Variants in ZNF285 observed in about 807,000 individuals in gnomAD.
ZNF285 encodes zinc finger protein 285.
ZNF285 carries 4 observed loss-of-function variants against 6.2 expected under a neutral mutation model. That is an observed-to-expected ratio of 0.65 (90% confidence interval 0.32 to 1.49). ZNF285 has a LOEUF of 1.49. Among genes scored for constraint, ZNF285 ranks in the 40% most tolerant of loss-of-function variants. The pLI, the probability that ZNF285 is intolerant of heterozygous loss-of-function variation, is 0.07. For missense variants in ZNF285, 695 were observed against 708.8 expected, an observed-to-expected ratio of 0.98 and a Z score of 0.22; for synonymous variants, 240 against 245.8, an observed-to-expected ratio of 0.98 and a Z score of 0.22.
In ZNF285 at chr19:44,397,148, G is replaced by C. The variant is rs769180485; in HGVS notation, c.15+51C>G. 5 of 1,612,820 alleles carry C rather than the reference G, an allele frequency of 3.1e-6. No individual in the cohort carries two copies. The South Asian group carries it at 5.5e-5, about 18-fold the overall frequency. ...CTCCTTTCAGAAAACAGAAGTGTCT[G>C]GTTCCTCAGAATGAACAGCATATTT... On this transcript the variant is annotated intron_variant, in intron 2 of 3. Coordinates refer to ENST00000614994, the MANE Select transcript of ZNF285 (RefSeq NM_152354.6).
intron 1 of ZNF285, among the ~76,000 whole-genome samples, chr19:44,397,723 A>G (rs965478528): frequency 6.0e-4 from 92 of 152,114 alleles, no homozygotes; most frequent in African/African-American, 2.2e-3. Flanking sequence ...TGTCTCTACT[A>G]AAAATACAAA....
chr19:44,400,057 T>A (rs903908887), intron 1 of ZNF285, among the ~76,000 whole-genome samples: 2 of 150,582 alleles, frequency 1.3e-5, no homozygotes, highest in African/African-American at 5.0e-5. Context: ...AGACTTCCCA[T>A]TGGCCAAAGA....
chr19:44,400,398 T>C (rs1971355355), intron 1 of ZNF285, among the ~76,000 whole-genome samples: 1 of 151,980 alleles, frequency 6.6e-6, no homozygotes, highest in Non-Finnish European at 1.5e-5. Flanking sequence ...ACACCTAAAA[T>C]AATTAACACT....
At position 44,387,780 on chromosome 19, in the gene ZNF285, T is replaced by G. The variant is rs770264097; in HGVS notation, c.465A>C (p.Ile155=). The change falls in exon 4 of 4, where the codon ATA becomes ATC. Residue 155 remains isoleucine (I), a synonymous_variant. Coordinates refer to ENST00000614994, the MANE Select transcript of ZNF285 (RefSeq NM_152354.6). ...CCTGAGAGTTCTGGGGCTCGGTCAT[T>G]ATGTTGGCTTTCCTCCACGATTCTG... ...LTPESWRKAN[I]MTEPQNSQGR... 1 of 1,613,932 alleles carries G rather than the reference T, an allele frequency of 6.2e-7. No homozygotes were observed.
intron 1 of ZNF285, among the ~76,000 whole-genome samples, chr19:44,401,171 C>T (rs920484547): frequency 3.3e-5 from 5 of 152,144 alleles, no homozygotes; most frequent in African/African-American, 7.2e-5. Flanking sequence ...TCATCCCATT[C>T]AGGGACGCAC....
At chr19:44,395,977 T>C (rs1971273965) in intron 2 of ZNF285, among the ~76,000 whole-genome samples, 1 of 152,152 alleles carries the variant, frequency 6.6e-6, no homozygotes, top group Non-Finnish European at 1.5e-5. Flanking sequence ...GGAAAAATGG[T>C]GACCTGGGTG....
chr19:44,387,197 C>T lies in ZNF285; in HGVS notation c.1048G>A (p.Gly350Arg). ...GEMPYKCDECGKGFGFRSLLC... is the reference protein window; with the variant it reads ...GEMPYKCDECRKGFGFRSLLC... ...AGTGACCTAAATCCAAACCCTTTCC[C>T]ACATTCATCGCATTTGTAGGGCATC... Residue 350 changes from glycine (G) to arginine (R), a missense_variant, in exon 4 of 4, where the codon GGG becomes AGG. Transcript: ENST00000614994. 1.2e-6 allele frequency: 2 copies of T among 1,614,128 alleles called. No individual in the cohort carries two copies. The highest frequency in any genetic ancestry group is 1.7e-6 in the Non-Finnish European group (2 of 1,180,032).
At chr19:44,400,383 C>T (rs1971354989) in intron 1 of ZNF285, among the ~76,000 whole-genome samples, 1 of 151,848 alleles carries the variant, frequency 6.6e-6, no homozygotes, top group Non-Finnish European at 1.5e-5. Flanking sequence ...ATAAATGCTG[C>T]TATTACACCT....
intron 2 of ZNF285, among the ~76,000 whole-genome samples, chr19:44,393,046 T>G (rs1971223631): frequency 6.6e-6 from 1 of 152,184 alleles, no homozygotes; most frequent in Non-Finnish European, 1.5e-5. Context: ...TAAGAACACT[T>G]GGATATCAAC....
intron 2 of ZNF285, among the ~76,000 whole-genome samples, chr19:44,393,442 C>G (rs1447268501): frequency 6.6e-6 from 1 of 152,130 alleles, no homozygotes; most frequent in African/African-American, 2.4e-5. Flanking sequence ...CGAGAAGTGT[C>G]TGTTCATATC....
rs775538170 is a variant in ZNF285, at chr19:44,389,692, T to C, written c.143-1590A>G. ...ACACGTGCACAATGTGCAGGTTAGT[T>C]ACATATGTAAATATGTGCCATGCTG... is the stretch of plus-strand genomic sequence containing the variant. On this transcript the variant is annotated intron_variant, in intron 3 of 3. Coordinates refer to ENST00000614994, the MANE Select transcript of ZNF285 (RefSeq NM_152354.6). Among the ~76,000 whole-genome samples, 2 of 152,170 alleles carry C rather than the reference T, an allele frequency of 1.3e-5. 1 individual carries two copies. The highest frequency in any genetic ancestry group is 4.8e-5 in the African/African-American group (2 of 41,394).
chr19:44,390,221 CACAA>C (rs1971170180), intron 3 of ZNF285, among the ~76,000 whole-genome samples: 1 of 152,116 alleles, frequency 6.6e-6, no homozygotes, highest in Admixed American at 6.5e-5. Context: ...CCAGAAAAGC[CACAA>C]ACACTCAACA....
chr19:44,386,569 T>G lies in ZNF285; in HGVS notation c.1676A>C (p.Gln559Pro). Residue 559 changes from glutamine (Q) to proline (P), a missense_variant, in exon 4 of 4, where the codon CAG (glutamine) becomes CCG (proline). Transcript: ENST00000614994. ...CTGTGTCTCATCTATATGCACTCTC[T>G]GATGGGCAAGGAGGTATGAATTACG... is the stretch of plus-strand genomic sequence containing the variant. Reference protein sequence around the residue: ...FSRNSYLLAHQRVHIDETQYT... With the variant: ...FSRNSYLLAHPRVHIDETQYT... 1 of 1,614,206 alleles carries G rather than the reference T, an allele frequency of 6.2e-7. No individual in the cohort carries two copies. Among genetic ancestry groups the G allele is most frequent in the East Asian group, 2.2e-5 (1 of 44,884 alleles).
At chr19:44,396,966 T>C (rs1162741875) in intron 2 of ZNF285, 28 of 580,294 alleles carry the variant, frequency 4.8e-5, no homozygotes, top group Non-Finnish European at 8.7e-5. Context: ...CTGGTACTGA[T>C]ACATGAACTA....
intron 2 of ZNF285, chr19:44,396,562 G>A (rs1374095880): frequency 6.6e-6 from 1 of 152,376 alleles, no homozygotes; most frequent in African/African-American, 2.4e-5. Context: ...AAGGTCTTAT[G>A]AGCAGAGCTG....
At chr19:44,391,549 G>A (rs73039956) in intron 3 of ZNF285, among the ~76,000 whole-genome samples, 8 of 151,962 alleles carry the variant, frequency 5.3e-5, no homozygotes, top group Non-Finnish European at 8.8e-5. Flanking sequence ...TGGCAGGCAA[G>A]GAGAAAGCCT....
chr19:44,388,877 G>A (rs144850488), intron 3 of ZNF285, among the ~76,000 whole-genome samples: 5,006 of 141,190 alleles, frequency 0.035, 12 homozygotes, highest in East Asian at 0.15. Flanking sequence ...GGACTATCAC[G>A]TATGTTTGTG....
Position 44,384,675 on chromosome 19 carries a change from C to A in ZNF285, c.*1797G>T, listed in dbSNP as rs866777008. 38 of 151,892 alleles carry A rather than the reference C, an allele frequency of 2.5e-4. No homozygotes were observed. The highest frequency in any genetic ancestry group is 7.5e-4 in the African/African-American group (31 of 41,384). The allele number at this position is 151,892 out of a possible 1,614,324, so 9.4% of individuals were successfully genotyped here. On this transcript the variant is annotated 3_prime_UTR_variant, in exon 4 of 4. Transcript: ENST00000614994. ...AAGTCAATTAAAACAAAAAAGGACA[C>A]TGTTTTTGAAGGAAAAAAAAAACAC...
At chr19:44,397,784 T>C (rs1971307907) in intron 1 of ZNF285, among the ~76,000 whole-genome samples, 1 of 151,194 alleles carries the variant, frequency 6.6e-6, no homozygotes, top group African/African-American at 2.4e-5. Flanking sequence ...CTCAGGAGGC[T>C]GAGGCAGGAC....
Sources: gnomAD v4.1 joint callset for allele counts (sites outside exome capture counted in the v4.1 genomes callset) on GRCh38, gnomAD v4.1.1 for gene constraint, MANE v1.5 for transcripts, NCBI Gene and HGNC (gene_info 2026-07-23, HGNC 2026-07-21) for gene names.